The following WSCD2 variants were observed in gnomAD, a reference collection of about 807,000 sequenced individuals.
WSCD2 encodes WSC domain sialate O sulfotransferase 2.
Under a neutral mutation model 55.7 loss-of-function variants are expected in WSCD2, and 28 were observed. The ratio of observed to expected loss-of-function variants is 0.50; its 90% CI spans 0.37 to 0.69. WSCD2 has a LOEUF of 0.69. Among genes scored for constraint, WSCD2 ranks in the 30% least tolerant of loss-of-function variants. The probability of loss-of-function intolerance (pLI) is 0.00; values close to 1 mark genes in which losing one functional copy is unlikely to be tolerated. For synonymous variants in WSCD2, 301 were observed against 301.9 expected, an observed-to-expected ratio of 1.00 and a Z score of 0.03; for missense variants, 616 against 762.1, an observed-to-expected ratio of 0.81 and a Z score of 2.26.
chr12:108,187,796 G>T (rs571832217), intron 1 of WSCD2, among the ~76,000 whole-genome samples: 8 of 152,238 alleles, frequency 5.3e-5, no homozygotes, highest in East Asian at 3.9e-4. Context: ...TCACAGAGAG[G>T]CCCCTTGCTG....
At chr12:108,134,848 G>C (rs1488647902) in intron 1 of WSCD2, among the ~76,000 whole-genome samples, 1 of 152,156 alleles carries the variant, frequency 6.6e-6, no homozygotes, top group African/African-American at 2.4e-5. Flanking sequence ...CTAGTCTTCT[G>C]TCAGAGAGAT....
At chr12:108,184,319 C>G (rs1053858657) in intron 1 of WSCD2, among the ~76,000 whole-genome samples, 4 of 152,146 alleles carry the variant, frequency 2.6e-5, no homozygotes, top group African/African-American at 9.7e-5. Context: ...ACCACCACCC[C>G]CCAAACACAC....
chr12:108,180,424 G>A (rs1039324256), intron 1 of WSCD2, among the ~76,000 whole-genome samples: 6 of 152,330 alleles, frequency 3.9e-5, no homozygotes, highest in African/African-American at 7.2e-5. Context: ...GGATACTCTC[G>A]CTGTGGATAG....
intron 1 of WSCD2, among the ~76,000 whole-genome samples, chr12:108,153,408 C>G (rs1878210811): frequency 6.6e-6 from 1 of 152,226 alleles, no homozygotes; most frequent in Non-Finnish European, 1.5e-5. Flanking sequence ...ACCACTGTCT[C>G]TACCCCTCAT....
chr12:108,220,971 T>A (rs2374973), intron 4 of WSCD2, among the ~76,000 whole-genome samples: 1 of 151,964 alleles, frequency 6.6e-6, no homozygotes, highest in South Asian at 2.1e-4. Context: ...GGAAGCCAGC[T>A]AGCCTCCCTC....
chr12:108,148,138 C>T (rs529790235), intron 1 of WSCD2, among the ~76,000 whole-genome samples: 19 of 152,320 alleles, frequency 1.2e-4, no homozygotes, highest in Middle Eastern at 6.8e-3. Context: ...CTTTGTGTGG[C>T]GTGGGGCCGA....
intron 4 of WSCD2, among the ~76,000 whole-genome samples, chr12:108,220,364 G>A (rs1198156144): frequency 3.9e-5 from 6 of 152,212 alleles, no homozygotes; most frequent in Admixed American, 3.3e-4. Context: ...CCTGTATCAA[G>A]CAGTTTCAGT....
Position 108,138,691 on chromosome 12 carries a change from T to C in WSCD2, c.-552+8765T>C, listed in dbSNP as rs181030686. On this transcript the variant is annotated intron_variant, in intron 1 of 8. Transcript: ENST00000547525. ...AGGACTCATGATGAATCAGTCATTT[T>C]CTGCCTCTTCACACCATCTGGGGCA... 2.6e-3 allele frequency among the ~76,000 whole-genome samples: 393 copies of C among 152,394 alleles called. 3 individuals are homozygous for C. The highest frequency in any genetic ancestry group is 9.0e-3 in the African/African-American group (375 of 41,600).
At chr12:108,221,822 A>G (rs1054653357) in intron 4 of WSCD2, among the ~76,000 whole-genome samples, 2 of 152,160 alleles carry the variant, frequency 1.3e-5, no homozygotes, top group Non-Finnish European at 2.9e-5. Flanking sequence ...TATGTGGGGA[A>G]ACTGAGGCCT....
At chr12:108,206,869 C>T (rs1054950440) in intron 3 of WSCD2, among the ~76,000 whole-genome samples, 9 of 152,176 alleles carry the variant, frequency 5.9e-5, no homozygotes, top group African/African-American at 1.4e-4. Flanking sequence ...AAGAATTGCA[C>T]ACAACTTAGA....
chr12:108,211,684 C>G (rs1018095333), intron 4 of WSCD2, among the ~76,000 whole-genome samples: 1 of 146,664 alleles, frequency 6.8e-6, no homozygotes, highest in Non-Finnish European at 1.5e-5. Context: ...GACAGAGCCT[C>G]ACACTGTTGC....
intron 1 of WSCD2, among the ~76,000 whole-genome samples, chr12:108,133,024 T>C (rs1362046539): frequency 6.6e-6 from 1 of 152,198 alleles, no homozygotes; most frequent in East Asian, 1.9e-4. Context: ...TATCCGTGAA[T>C]GTTAGCATGT....
chr12:108,151,609 A>T (rs1053565189), intron 1 of WSCD2, among the ~76,000 whole-genome samples: 3 of 152,222 alleles, frequency 2.0e-5, no homozygotes, highest in Admixed American at 2.0e-4. Context: ...AGCCATTTAG[A>T]ATAAAGTCAA....
At chr12:108,159,643 T>C (rs567104026) in intron 1 of WSCD2, among the ~76,000 whole-genome samples, 2 of 152,276 alleles carry the variant, frequency 1.3e-5, no homozygotes, top group East Asian at 1.9e-4. Flanking sequence ...TGTTCTGAAA[T>C]CCCCACTCCA....
intron 8 of WSCD2, 134 bp downstream of exon 8, chr12:108,240,678 T>C (rs1889668551): frequency 1.9e-6 from 2 of 1,054,276 alleles, no homozygotes; most frequent in Non-Finnish European, 2.7e-6. Context: ...GAGGACATCC[T>C]GGAGGGCGCG....
At chr12:108,247,538 T>A (rs189884145) in intron 8 of WSCD2, among the ~76,000 whole-genome samples, 5 of 151,692 alleles carry the variant, frequency 3.3e-5, no homozygotes, top group African/African-American at 1.2e-4. Context: ...CTAAAAGGAG[T>A]GAATTGAGCT....
chr12:108,222,791 G>A (rs1887679349), intron 4 of WSCD2, among the ~76,000 whole-genome samples: 1 of 152,076 alleles, frequency 6.6e-6, no homozygotes. Flanking sequence ...CATATTCATT[G>A]TAGAAAAAAG....
At chr12:108,178,618 G>C (rs1392965374) in intron 1 of WSCD2, among the ~76,000 whole-genome samples, 1 of 152,050 alleles carries the variant, frequency 6.6e-6, no homozygotes, top group African/African-American at 2.4e-5. Flanking sequence ...TGTAAGCTAA[G>C]GCCTATACTA....
chr12:108,214,088 A>G (rs932878869), intron 4 of WSCD2, among the ~76,000 whole-genome samples: 5 of 152,248 alleles, frequency 3.3e-5, no homozygotes, highest in East Asian at 1.9e-4. Flanking sequence ...CAACTCTGGC[A>G]TGTATTACAT....
Sources: gnomAD v4.1 joint callset for allele counts (sites outside exome capture counted in the v4.1 genomes callset) on GRCh38, gnomAD v4.1.1 for gene constraint, MANE v1.5 for transcripts, NCBI Gene and HGNC (gene_info 2026-07-23, HGNC 2026-07-21) for gene names.